KIF26B: variants seen among roughly 807,000 people sequenced by gnomAD.
KIF26B encodes kinesin family member 26B.
A neutral mutation model predicts 151.2 loss-of-function variants in KIF26B; 63 were observed. The ratio of observed to expected loss-of-function variants is 0.42; its 90% CI spans 0.34 to 0.51. The LOEUF is 0.51. KIF26B is among the 20% of genes least tolerant of loss of function. KIF26B has a pLI of 0.07. For synonymous variants in KIF26B, 1,357 were observed against 1,262.1 expected, an observed-to-expected ratio of 1.08 and a Z score of -1.59; for missense variants, 2,813 against 2,913.6, an observed-to-expected ratio of 0.97 and a Z score of 0.79.
At chr1:245,692,122 T>G (rs2044632595) in intron 12 of KIF26B, among the ~76,000 whole-genome samples, 1 of 152,210 alleles carries the variant, frequency 6.6e-6, no homozygotes, top group Admixed American at 6.5e-5. Flanking sequence ...TGTCTTTTCC[T>G]TAGAGCAATC....
intron 5 of KIF26B, among the ~76,000 whole-genome samples, chr1:245,557,116 A>G (rs1192636831): frequency 1.3e-5 from 2 of 152,256 alleles, no homozygotes; most frequent in Non-Finnish European, 2.9e-5. Flanking sequence ...CAGGCCATGT[A>G]TGTGGGACAC....
intron 2 of KIF26B, among the ~76,000 whole-genome samples, chr1:245,191,246 G>A (rs7513532): frequency 0.14 from 21,448 of 151,508 alleles, 2,028 homozygotes; most frequent in African/African-American, 0.26. Context: ...AGGCCGAGGC[G>A]GGCGGATTAC....
intron 12 of KIF26B, among the ~76,000 whole-genome samples, chr1:245,696,195 G>C (rs1234078763): frequency 6.6e-6 from 1 of 152,252 alleles, no homozygotes; most frequent in Non-Finnish European, 1.5e-5. Flanking sequence ...TTCAAAAGTA[G>C]GTTATAAAAG....
chr1:245,175,925 TATATTTA>T (rs1668795702), intron 2 of KIF26B, among the ~76,000 whole-genome samples: 1 of 122,952 alleles, frequency 8.1e-6, no homozygotes, highest in African/African-American at 3.5e-5. Context: ...TCTATATCTA[TATATTTA>T]GATGTCTATA....
At chr1:245,302,644 A>G (rs181392597) in intron 2 of KIF26B, among the ~76,000 whole-genome samples, 18 of 152,296 alleles carry the variant, frequency 1.2e-4, no homozygotes, top group East Asian at 1.2e-3. Flanking sequence ...ATTTCCCAAC[A>G]TATCAGGGAA....
rs201328987 is a variant in KIF26B at position 245,611,950 on chromosome 1, G to T, written c.2072G>T (p.Arg691Leu). ...VFFTLHIYQYRMEKSGKGGMS... is the reference protein window; with the variant it reads ...VFFTLHIYQYLMEKSGKGGMS... ...TTCACACTGCACATCTACCAGTACCGGATGGAGAAGAGCGGGAAAGGGGGA... is the reference window on the plus strand; with the variant it reads ...TTCACACTGCACATCTACCAGTACCTGATGGAGAAGAGCGGGAAAGGGGGA... The change falls in exon 9 of 15, where the codon CGG becomes CTG. Residue 691 changes from arginine (R) to leucine (L), a missense_variant. By Grantham distance (102) the Arg-to-Leu change is moderately radical. Coordinates refer to ENST00000407071, the MANE Select transcript of KIF26B (RefSeq NM_018012.4). 1.8e-5 allele frequency: 29 copies of T among 1,613,110 alleles called. No individual in the cohort carries two copies. The highest frequency in any genetic ancestry group is 2.4e-5 in the Non-Finnish European group (28 of 1,179,296).
At chr1:245,618,964 G>T (rs1267754912) in intron 9 of KIF26B, among the ~76,000 whole-genome samples, 2 of 138,184 alleles carry the variant, frequency 1.4e-5, no homozygotes, top group African/African-American at 5.7e-5. Context: ...ACAGTCCTGG[G>T]GCTGTGTCCA....
At chr1:245,611,662 A>G (rs10802225) in intron 8 of KIF26B, 131 bp from the exon 9 acceptor site, 349,296 of 802,014 alleles carry the variant, frequency 0.44, 78,181 homozygotes, top group East Asian at 0.67. Flanking sequence ...AAGGGTTTTC[A>G]GCCTTAGAGG....
chr1:245,685,810 A>G lies in KIF26B; in HGVS notation c.2827A>G (p.Ser943Gly). Residue 943 changes from serine (S) to glycine (G), a missense_variant, in exon 12 of 15, where the codon AGC becomes GGC. By Grantham distance (56) the Ser-to-Gly change is moderately conservative. Around this residue, in one of 3 missense-constraint regions of KIF26B, gnomAD observed 2,060 missense variants for 2,088.6 expected, o/e 0.99. Transcript: ENST00000407071. ...CTGCATCGACGGCAGCGAGGAGCCCAGCAGCTTTCCTTTCGAAGAACTGCC... is the reference window on the plus strand; with the variant it reads ...CTGCATCGACGGCAGCGAGGAGCCCGGCAGCTTTCCTTTCGAAGAACTGCC... ...LDCIDGSEEPSSFPFEELPAQ... is the reference protein window; with the variant it reads ...LDCIDGSEEPGSFPFEELPAQ... The G allele has an allele frequency of 6.2e-7, 1 of 1,610,350 alleles. No individual in the cohort carries two copies. The highest frequency in any genetic ancestry group is 1.1e-5 in the South Asian group (1 of 90,966).
intron 2 of KIF26B, among the ~76,000 whole-genome samples, chr1:245,172,255 G>C (rs772769586): frequency 6.6e-6 from 1 of 152,138 alleles, no homozygotes; most frequent in African/African-American, 2.4e-5. Context: ...TAAGTGCAGA[G>C]TTAGGACACT....
chr1:245,171,281 C>T (rs548271785), intron 2 of KIF26B, among the ~76,000 whole-genome samples: 21 of 152,314 alleles, frequency 1.4e-4, no homozygotes, highest in East Asian at 7.7e-4. Context: ...CGGTGGCTCA[C>T]GCCTGTAATC....
At chr1:245,574,007 T>A (rs914085790) in intron 5 of KIF26B, among the ~76,000 whole-genome samples, 2 of 152,236 alleles carry the variant, frequency 1.3e-5, no homozygotes, top group African/African-American at 4.8e-5. Context: ...ATTTTCAGAC[T>A]AAGGTTGACT....
At chr1:245,471,314 A>G (rs554590014) in intron 4 of KIF26B, among the ~76,000 whole-genome samples, 1 of 152,142 alleles carries the variant, frequency 6.6e-6, no homozygotes, top group African/African-American at 2.4e-5. Flanking sequence ...TTGTATTTAT[A>G]GTAGAGACGG....
chr1:245,573,501 T>G (rs1199201830), intron 5 of KIF26B, among the ~76,000 whole-genome samples: 1 of 152,076 alleles, frequency 6.6e-6, no homozygotes, highest in Non-Finnish European at 1.5e-5. Flanking sequence ...CCAGCCTGGG[T>G]GACAGAGCTA....
intron 5 of KIF26B, among the ~76,000 whole-genome samples, chr1:245,556,869 T>A (rs1662051564): frequency 6.6e-6 from 1 of 151,950 alleles, no homozygotes; most frequent in Non-Finnish European, 1.5e-5. Flanking sequence ...AAATGTTTTG[T>A]TTCTGCCTTT....
rs1176205677 is a variant in KIF26B at position 245,245,362 on chromosome 1, T to A, written c.465+88679T>A. 3.3e-5 allele frequency among the ~76,000 whole-genome samples: 5 copies of A among 152,122 alleles called. No homozygotes were observed. The East Asian group carries it at 9.6e-4, about 29-fold the overall frequency. On this transcript the variant is annotated intron_variant, in intron 2 of 14. Coordinates refer to ENST00000407071, the MANE Select transcript of KIF26B (RefSeq NM_018012.4). ...AGATGGGGAGTTTGAGAATGCCGAG[T>A]CTTGCTGTTGCCCTTTCTGAATGGG...
At chr1:245,608,201 G>A (rs1052823284) in intron 7 of KIF26B, among the ~76,000 whole-genome samples, 37 of 152,172 alleles carry the variant, frequency 2.4e-4, no homozygotes, top group Non-Finnish European at 1.9e-4. Context: ...GCACACCGTC[G>A]GGAACACTCC....
In KIF26B at chr1:245,498,259, G is replaced by A. The variant is rs564778658; in HGVS notation, c.1167-42508G>A. 1.4e-3 allele frequency among the ~76,000 whole-genome samples: 217 copies of A among 152,154 alleles called. 1 individual carries two copies. Among genetic ancestry groups the A allele is most frequent in the Non-Finnish European group, 2.8e-3 (191 of 68,030 alleles). ...AATTTGCTTTAGTGTGGTCAGAGAA[G>A]CTGGAAATTGAATCAGAGACCTCAG... is the stretch of plus-strand genomic sequence containing the variant. On this transcript the variant is annotated intron_variant, in intron 4 of 14. Coordinates refer to ENST00000407071, the MANE Select transcript of KIF26B (RefSeq NM_018012.4).
chr1:245,219,031 G>C (rs562064372), intron 2 of KIF26B, among the ~76,000 whole-genome samples: 2 of 149,822 alleles, frequency 1.3e-5, no homozygotes, highest in South Asian at 4.4e-4. Flanking sequence ...TCTCCCAAGA[G>C]TCAAGAGTGT....
Sources: allele counts gnomAD v4.1 joint callset (sites outside exome capture counted in the v4.1 genomes callset), GRCh38; gene constraint gnomAD v4.1.1; regional missense constraint gnomAD v4.1.1; transcripts MANE v1.5; gene names NCBI Gene and HGNC (gene_info 2026-07-23, HGNC 2026-07-21).